Variants in ADRA1A observed in about 807,000 individuals in gnomAD.
The protein encoded by ADRA1A is adrenoceptor alpha 1A.
ADRA1A carries 31 observed loss-of-function variants against 29.6 expected under a neutral mutation model. The observed-to-expected ratio is 1.05, with a 90% CI of 0.79 to 1.41. The LOEUF (loss-of-function observed/expected upper bound fraction) is 1.41. Ranked by LOEUF, ADRA1A falls within the 40% of genes most tolerant of loss-of-function variation. The pLI is 0.00. For synonymous variants in ADRA1A, 311 were observed against 254.3 expected (o/e 1.22, Z -2.12); for missense variants, 619 against 601.1 (o/e 1.03, Z -0.31).
intron 2 of ADRA1A, among the ~76,000 whole-genome samples, chr8:26,851,801 T>C (rs193208021): frequency 1.3e-5 from 2 of 152,156 alleles, no homozygotes; most frequent in East Asian, 3.9e-4. Flanking sequence ...AGAAACCTGG[T>C]AGCAAAGGGA....
chr8:26,817,237 C>T (rs1585752632), intron 2 of ADRA1A, among the ~76,000 whole-genome samples: 1 of 152,178 alleles, frequency 6.6e-6, no homozygotes, highest in East Asian at 1.9e-4. Context: ...TATTGGGACA[C>T]ATACTTCACC....
At chr8:26,809,918 C>T (rs1809264021) in intron 2 of ADRA1A, among the ~76,000 whole-genome samples, 1 of 152,204 alleles carries the variant, frequency 6.6e-6, no homozygotes, top group Admixed American at 6.5e-5. Flanking sequence ...GGTCCTTAGA[C>T]TTCCTAGATT....
chr8:26,783,082 C>G (rs773685853), intron 2 of ADRA1A, among the ~76,000 whole-genome samples: 1 of 152,186 alleles, frequency 6.6e-6, no homozygotes, highest in Non-Finnish European at 1.5e-5. Context: ...TGCTTCTGGT[C>G]TTATCTGCTT....
At chr8:26,846,461 T>A (rs1812206223) in intron 2 of ADRA1A, among the ~76,000 whole-genome samples, 1 of 152,262 alleles carries the variant, frequency 6.6e-6, no homozygotes, top group South Asian at 2.1e-4. Flanking sequence ...ACCCCAATTG[T>A]GACACTATGA....
rs763678602 is a variant in ADRA1A at position 26,864,680 on chromosome 8, A to G, written c.290T>C (p.Val97Ala). Residue 97 changes from valine (V) to alanine (A), a missense_variant, in exon 2 of 3, where the codon GTC (valine) becomes GCC (alanine). Physicochemically the swap from Val to Ala is moderately conservative, Grantham distance 64 (BLOSUM62 0). Transcript: ENST00000380573. The surrounding 1 kb of genome is among the most constrained non-coding windows in gnomAD (Gnocchi z 8.1). ...EVLGYWAFGR[V>A]FCNIWAAVDV... ...CACTGCCGCCCAGATGTTGCAGAAG[A>G]CCCTGCCGAAGGCCCAGTAGCCTAG... 2 of 1,614,034 alleles carry G rather than the reference A, an allele frequency of 1.2e-6. No homozygotes were observed.
chr8:26,818,088 A>G (rs1809889016), intron 2 of ADRA1A, among the ~76,000 whole-genome samples: 1 of 152,222 alleles, frequency 6.6e-6, no homozygotes, highest in South Asian at 2.1e-4. Context: ...AAGGCTACAA[A>G]CTGTATGACT....
chr8:26,824,013 T>C (rs1585768019), intron 2 of ADRA1A, among the ~76,000 whole-genome samples: 1 of 152,114 alleles, frequency 6.6e-6, no homozygotes, highest in South Asian at 2.1e-4. Flanking sequence ...TTCTTTCTCC[T>C]CCCCCTGCCT....
chr8:26,757,189 C>CT (rs11309325), intron 2 of ADRA1A: 7 of 700,172 alleles, frequency 1.0e-5, no homozygotes, highest in Non-Finnish European at 1.6e-5. Flanking sequence ...CCGAAAGTGA[C>CT]TTTTTTTCCT....
rs1207536548 is a variant in ADRA1A, at chr8:26,866,205, C to T, written c.-686-550G>A. Among the ~76,000 whole-genome samples the T allele has an allele frequency of 6.6e-6, 1 of 152,170 alleles. No individual in the cohort carries two copies. Among genetic ancestry groups the T allele is most frequent in the Non-Finnish European group, 1.5e-5 (1 of 68,030 alleles). ...GGAATTCGCACTCGGGTGTGCAGAGCGCACCGGTCTGTCCACCAGCCAAGC... is the reference window on the plus strand; with the variant it reads ...GGAATTCGCACTCGGGTGTGCAGAGTGCACCGGTCTGTCCACCAGCCAAGC... On this transcript the variant is annotated intron_variant, in intron 1 of 2. Coordinates refer to ENST00000380573, the MANE Select transcript of ADRA1A (RefSeq NM_000680.4). This position sits in a 1 kb window ranked among gnomAD's most constrained non-coding sequence, Gnocchi z 5.7.
intron 2 of ADRA1A, among the ~76,000 whole-genome samples, chr8:26,797,411 C>T (rs971563674): frequency 6.6e-6 from 1 of 152,070 alleles, no homozygotes; most frequent in African/African-American, 2.4e-5. Context: ...ATCCCCCTGA[C>T]TTAGCCTCCT....
chr8:26,773,137 C>A (rs942869921), intron 2 of ADRA1A, among the ~76,000 whole-genome samples: 1 of 152,172 alleles, frequency 6.6e-6, no homozygotes, highest in Admixed American at 6.5e-5. Flanking sequence ...ACCGAGGTCA[C>A]TCACATAGTT....
intron 2 of ADRA1A, among the ~76,000 whole-genome samples, chr8:26,800,175 C>A (rs1808471731): frequency 6.6e-6 from 1 of 152,058 alleles, no homozygotes; most frequent in South Asian, 2.1e-4. Flanking sequence ...AAGAGAATTG[C>A]TTGAACCTAG....
At chr8:26,819,606 G>A (rs1810014177) in intron 2 of ADRA1A, among the ~76,000 whole-genome samples, 1 of 151,738 alleles carries the variant, frequency 6.6e-6, no homozygotes, top group South Asian at 2.1e-4. Context: ...TAATCACAAA[G>A]CAAAAACCTT....
rs888196862 is a variant in ADRA1A at position 26,825,137 on chromosome 8, C to G, written c.883+38950G>C. 1.3e-5 allele frequency among the ~76,000 whole-genome samples: 2 copies of G among 152,154 alleles called. No individual in the cohort carries two copies. The highest frequency in any genetic ancestry group is 2.9e-5 in the Non-Finnish European group (2 of 68,030). On this transcript the variant is annotated intron_variant, in intron 2 of 2. Transcript: ENST00000380573. This position sits in a 1 kb window ranked among gnomAD's most constrained non-coding sequence, Gnocchi z 5.7. ...AATGCCTGCATGCTCCAGAGAGACC[C>G]CCAGCCCCCACATGTCCCACCCTGA...
intron 2 of ADRA1A, among the ~76,000 whole-genome samples, chr8:26,838,109 C>T (rs895505779): frequency 2.0e-5 from 3 of 152,224 alleles, no homozygotes; most frequent in African/African-American, 4.8e-5. Flanking sequence ...CCAGGACAGG[C>T]GTTTAATGAT....
chr8:26,749,808 T>C (rs1429559421), intron 2 of ADRA1A, among the ~76,000 whole-genome samples: 1 of 152,186 alleles, frequency 6.6e-6, no homozygotes, highest in Non-Finnish European at 1.5e-5. Context: ...GGACCATGTA[T>C]TCTTAGTGGG....
rs988241376 is a variant in ADRA1A at position 26,821,317 on chromosome 8, G to C, written c.883+42770C>G. 6.6e-6 allele frequency among the ~76,000 whole-genome samples: 1 copy of C among 152,186 alleles called. No homozygotes were observed. The highest frequency in any genetic ancestry group is 6.5e-5 in the Admixed American group (1 of 15,284). On this transcript the variant is annotated intron_variant, in intron 2 of 2. Transcript: ENST00000380573. The surrounding 1 kb of genome is among the most constrained non-coding windows in gnomAD (Gnocchi z 5.6). ...TGGCTCTAGCATTTGCTTCTGGTGA[G>C]GGCCTCAGGAAGCATACAGTCATGG...
At chr8:26,790,438 G>A (rs552809098) in intron 2 of ADRA1A, among the ~76,000 whole-genome samples, 6 of 152,168 alleles carry the variant, frequency 3.9e-5, no homozygotes, top group African/African-American at 1.4e-4. Flanking sequence ...TAGAATAGTG[G>A]TTACTGAAGG....
At chr8:26,842,917 G>A (rs1320249212) in intron 2 of ADRA1A, among the ~76,000 whole-genome samples, 1 of 142,526 alleles carries the variant, frequency 7.0e-6, no homozygotes, top group African/African-American at 2.7e-5. Flanking sequence ...ACCACTCAAG[G>A]ATTATCTCAC....
Sources: gnomAD v4.1 joint callset for allele counts (sites outside exome capture counted in the v4.1 genomes callset) on GRCh38, gnomAD v4.1.1 for gene constraint, Gnocchi (gnomAD v3.1) non-coding constraint, MANE v1.5 for transcripts, NCBI Gene and HGNC (gene_info 2026-07-23, HGNC 2026-07-21) for gene names.